MTPAP: variants seen among roughly 807,000 people sequenced by gnomAD.
MTPAP encodes mitochondrial poly(A) polymerase, also known as poly(A) RNA polymerase, mitochondrial.
A neutral mutation model predicts 48.7 loss-of-function variants in MTPAP; 23 were observed. The ratio of observed to expected loss-of-function variants is 0.47; its 90% CI spans 0.34 to 0.67. The LOEUF is 0.67. Ranked by LOEUF, MTPAP falls within the 30% of genes least tolerant of loss-of-function variation. The pLI is 0.01. For missense variants in MTPAP, 614 were observed against 694.3 expected, an observed-to-expected ratio of 0.88 and a Z score of 1.30; for synonymous variants, 257 against 254.1, an observed-to-expected ratio of 1.01 and a Z score of -0.11.
intron 1 of MTPAP, among the ~76,000 whole-genome samples, chr10:30,343,769 C>T (rs924933390): frequency 7.9e-5 from 12 of 151,926 alleles, no homozygotes; most frequent in African/African-American, 2.4e-4. Context: ...GGTTTCACTA[C>T]GTTGGTCAGG....
At chr10:30,314,884 CAA>C (rs34249388) in intron 8 of MTPAP, among the ~76,000 whole-genome samples, 57,069 of 111,708 alleles carry the variant, frequency 0.51, 11,544 homozygotes, top group Admixed American at 0.59. Context: ...AAAACAAAAA[CAA>C]AAAAAAAAAA....
chr10:30,332,422 T>C (rs915778142), intron 4 of MTPAP, among the ~76,000 whole-genome samples: 10 of 152,132 alleles, frequency 6.6e-5, no homozygotes, highest in Admixed American at 6.5e-4. Context: ...GCCTTCTGAG[T>C]AGCTGGGATT....
intron 5 of MTPAP, among the ~76,000 whole-genome samples, chr10:30,325,602 C>G (rs1307494049): frequency 6.6e-6 from 1 of 151,980 alleles, no homozygotes; most frequent in Non-Finnish European, 1.5e-5. Context: ...CAAAAATTAG[C>G]CAGCGTGATG....
chr10:30,347,681 T>C (rs943341612), intron 1 of MTPAP, among the ~76,000 whole-genome samples: 5 of 152,172 alleles, frequency 3.3e-5, no homozygotes, highest in African/African-American at 1.2e-4. Flanking sequence ...CACCTGAGTC[T>C]GGAGTTCAAG....
chr10:30,314,557 T>G (rs1840637494), intron 8 of MTPAP, among the ~76,000 whole-genome samples: 1 of 151,928 alleles, frequency 6.6e-6, no homozygotes. Flanking sequence ...TTCCTATAGA[T>G]CCAACAAAAG....
rs1221959917 is a variant in MTPAP, at chr10:30,311,613, C to T, written c.*1996G>A. 6.6e-6 allele frequency: 1 copy of T among 152,204 alleles called. No individual in the cohort carries two copies. Among genetic ancestry groups the T allele is most frequent in the African/African-American group, 2.4e-5 (1 of 41,444 alleles). 9.4% of individuals were successfully genotyped at this position (152,204 alleles called of 1,614,324 possible). On this transcript the variant is annotated 3_prime_UTR_variant, in exon 9 of 9. Transcript: ENST00000263063. ...CAGATCAAACAGGGGCCCCAAGAGA[C>T]TGAGTAACTTGTCATTGAGCCAGTC...
intron 4 of MTPAP, among the ~76,000 whole-genome samples, chr10:30,332,699 T>G (rs1834684027): frequency 6.6e-6 from 1 of 152,188 alleles, no homozygotes; most frequent in South Asian, 2.1e-4. Context: ...ACTAAAAGTT[T>G]CTAGGCCAGG....
intron 1 of MTPAP, among the ~76,000 whole-genome samples, chr10:30,346,857 C>T (rs577656133): frequency 2.6e-5 from 4 of 152,232 alleles, no homozygotes; most frequent in African/African-American, 9.6e-5. Context: ...TGTGATCAAT[C>T]GGAAGCCGCA....
At chr10:30,334,171 G>A (rs564385269) in intron 4 of MTPAP, among the ~76,000 whole-genome samples, 1 of 152,092 alleles carries the variant, frequency 6.6e-6, no homozygotes, top group South Asian at 2.1e-4. Context: ...AAAAAGGAGT[G>A]GTTAATTTTG....
intron 4 of MTPAP, among the ~76,000 whole-genome samples, chr10:30,329,706 C>T (rs1055378585): frequency 1.5e-4 from 23 of 151,350 alleles, no homozygotes; most frequent in Non-Finnish European, 2.6e-4. Flanking sequence ...ATATAGTTGG[C>T]AATAAAGAGG....
rs1439625049 is a variant in MTPAP at position 30,316,269 on chromosome 10, G to T, written c.1220-59C>A. The T allele has an allele frequency of 2.4e-6, 3 of 1,238,990 alleles. No homozygotes were observed. The African/African-American group carries it at 4.5e-5, about 19-fold the overall frequency. 76.7% of individuals were successfully genotyped at this position (1,238,990 alleles called of 1,614,324 possible). Reference sequence around the variant, plus strand: ...TTTTTTTTTCTTTGCCTGAGATGGAGTCTCACTCTGTCATCCAGGCTGGAG... The same window carrying T: ...TTTTTTTTTCTTTGCCTGAGATGGATTCTCACTCTGTCATCCAGGCTGGAG... On this transcript the variant is annotated intron_variant, in intron 6 of 8. Transcript: ENST00000263063.
intron 3 of MTPAP, 140 bp downstream of exon 3, chr10:30,340,086 T>C: frequency 1.3e-6 from 1 of 757,790 alleles, no homozygotes; most frequent in Non-Finnish European, 2.2e-6. Context: ...CCACGATTCA[T>C]CTCCGTAACT....
chr10:30,346,197 T>C (rs117556097), intron 1 of MTPAP, among the ~76,000 whole-genome samples: 9 of 152,210 alleles, frequency 5.9e-5, no homozygotes, highest in African/African-American at 1.2e-4. Context: ...AACTTCTGGA[T>C]TGAGGATAGG....
At chr10:30,345,397 T>C (rs998458724) in intron 1 of MTPAP, among the ~76,000 whole-genome samples, 7 of 152,224 alleles carry the variant, frequency 4.6e-5, no homozygotes, top group African/African-American at 1.7e-4. Flanking sequence ...GTATGCAATG[T>C]CTTTGCACAT....
At chr10:30,316,933 C>T (rs533344645) in intron 6 of MTPAP, among the ~76,000 whole-genome samples, 33 of 152,120 alleles carry the variant, frequency 2.2e-4, no homozygotes, top group African/African-American at 7.5e-4. Flanking sequence ...AATTTCTACT[C>T]TATTCTTTAT....
intron 1 of MTPAP, among the ~76,000 whole-genome samples, chr10:30,347,043 G>C (rs1834881213): frequency 6.6e-6 from 1 of 152,186 alleles, no homozygotes; most frequent in African/African-American, 2.4e-5. Context: ...CTGGAGTTTG[G>C]TTACACAGAT....
In MTPAP at chr10:30,316,227, A is replaced by G; in HGVS notation, c.1220-17T>C. On this transcript the variant is annotated splice_polypyrimidine_tract_variant and intron_variant, in intron 6 of 8. Transcript: ENST00000263063. Reference sequence around the variant, plus strand: ...CTTCTGCATCTTAAACACAAACAAAAAATATTTCACGTGTTTTTTTTTTTT... The same window carrying G: ...CTTCTGCATCTTAAACACAAACAAAGAATATTTCACGTGTTTTTTTTTTTT... 1 of 1,600,468 alleles carries G rather than the reference A, an allele frequency of 6.2e-7. No homozygotes were observed. The highest frequency in any genetic ancestry group is 1.1e-5 in the South Asian group (1 of 90,668).
chr10:30,343,523 T>C (rs906310435), intron 1 of MTPAP, among the ~76,000 whole-genome samples: 1 of 151,942 alleles, frequency 6.6e-6, no homozygotes, highest in Non-Finnish European at 1.5e-5. Context: ...GCTATGAAAC[T>C]GATGGATCAA....
intron 6 of MTPAP, among the ~76,000 whole-genome samples, chr10:30,317,789 C>T (rs1840678634): frequency 1.3e-5 from 2 of 152,286 alleles, no homozygotes; most frequent in East Asian, 1.9e-4. Context: ...TCCCCACCAC[C>T]GACCTGCCCC....
Sources: gnomAD v4.1 joint callset for allele counts (sites outside exome capture counted in the v4.1 genomes callset) on GRCh38, gnomAD v4.1.1 for gene constraint, MANE v1.5 for transcripts, NCBI Gene and HGNC (gene_info 2026-07-23, HGNC 2026-07-21) for gene names.